The following PTPRD variants were observed in gnomAD, a reference collection of about 807,000 sequenced individuals.
PTPRD encodes protein tyrosine phosphatase receptor type D.
A neutral mutation model predicts 214.5 loss-of-function variants in PTPRD; 34 were observed. That is an observed-to-expected ratio of 0.16 (90% CI 0.12 to 0.21). PTPRD has a LOEUF of 0.21. Ranked by LOEUF, PTPRD falls within the 10% of genes least tolerant of loss-of-function variation. PTPRD has a pLI of 1.00. For synonymous variants in PTPRD, 1,128 were observed against 845.7 expected, an observed-to-expected ratio of 1.33 and a Z score of -5.79; for missense variants, 2,545 against 2,398.7, an observed-to-expected ratio of 1.06 and a Z score of -1.27.
intron 5 of PTPRD, among the ~76,000 whole-genome samples, chr9:9,904,409 A>T (rs1021397741): frequency 2.6e-5 from 4 of 152,102 alleles, no homozygotes; most frequent in African/African-American, 7.2e-5. Context: ...AGTTGTTTTC[A>T]AATTGAAATC....
At chr9:9,014,505 A>C (rs2099526147) in intron 11 of PTPRD, among the ~76,000 whole-genome samples, 1 of 152,198 alleles carries the variant, frequency 6.6e-6, no homozygotes, top group African/African-American at 2.4e-5. Flanking sequence ...AGAGTGAATA[A>C]GATCACAATC....
intron 12 of PTPRD, among the ~76,000 whole-genome samples, chr9:8,699,894 A>C (rs1357954205): frequency 1.3e-5 from 2 of 152,236 alleles, no homozygotes; most frequent in Non-Finnish European, 2.9e-5. Flanking sequence ...GGCAAAAACT[A>C]AACATGGCCA....
chr9:9,970,234 A>T (rs1458734393), intron 4 of PTPRD, among the ~76,000 whole-genome samples: 2 of 152,008 alleles, frequency 1.3e-5, no homozygotes, highest in Non-Finnish European at 2.9e-5. Flanking sequence ...GCGGATCACG[A>T]GGTCAGGAGA....
intron 5 of PTPRD, among the ~76,000 whole-genome samples, chr9:9,917,460 A>AAC (rs1381971557): frequency 1.4e-5 from 2 of 147,980 alleles, no homozygotes; most frequent in Admixed American, 1.3e-4. Flanking sequence ...CCTAAAAAAA[A>AAC]AAAAAAAAAA....
chr9:8,963,399 C>T (rs767876207), intron 11 of PTPRD, among the ~76,000 whole-genome samples: 25 of 152,036 alleles, frequency 1.6e-4, no homozygotes, highest in Non-Finnish European at 2.8e-4. Flanking sequence ...CATGGAATTA[C>T]ATTTATACAT....
At chr9:10,217,659 C>T (rs967682431) in intron 3 of PTPRD, among the ~76,000 whole-genome samples, 1 of 151,804 alleles carries the variant, frequency 6.6e-6, no homozygotes, top group Non-Finnish European at 1.5e-5. Flanking sequence ...TCAACTAAAC[C>T]ATCTAAAGCT....
intron 2 of PTPRD, among the ~76,000 whole-genome samples, chr9:10,587,579 C>T (rs992619272): frequency 6.6e-6 from 1 of 151,906 alleles, no homozygotes; most frequent in Non-Finnish European, 1.5e-5. Context: ...ATACCTGATC[C>T]AGATTATTGC....
chr9:9,144,753 AAAAC>A (rs543141728), intron 10 of PTPRD, among the ~76,000 whole-genome samples: 32 of 152,258 alleles, frequency 2.1e-4, no homozygotes, highest in East Asian at 1.2e-3. Context: ...ACTCTGTCAA[AAAAC>A]AAACAAACAA....
chr9:9,606,321 T>C (rs1243746134), intron 7 of PTPRD, among the ~76,000 whole-genome samples: 3 of 152,146 alleles, frequency 2.0e-5, no homozygotes, highest in Admixed American at 2.0e-4. Flanking sequence ...ATTATCATTT[T>C]CTGGTTCTAT....
intron 9 of PTPRD, among the ~76,000 whole-genome samples, chr9:9,376,963 A>G (rs1419186832): frequency 6.6e-6 from 1 of 152,190 alleles, no homozygotes; most frequent in East Asian, 1.9e-4. Context: ...TCTAGGGAGC[A>G]CTCAATATAA....
chr9:8,684,239 C>T (rs1014674785), intron 12 of PTPRD, among the ~76,000 whole-genome samples: 1 of 152,164 alleles, frequency 6.6e-6, no homozygotes, highest in African/African-American at 2.4e-5. Context: ...TGCCAGCAAA[C>T]CCAATTCTCT....
intron 5 of PTPRD, among the ~76,000 whole-genome samples, chr9:9,855,388 C>G (rs1024844430): frequency 2.6e-4 from 39 of 152,130 alleles, no homozygotes; most frequent in African/African-American, 9.4e-4. Flanking sequence ...TCTAAAATAG[C>G]AGAGGCTCTC....
rs2097181268 is a variant in PTPRD at position 8,492,970 on chromosome 9, T to G, written c.2359A>C (p.Ile787Leu). ...GAAGTTTCAGGCTGGAGCCCAGAAATGATCATGTCCTGAAATGACAAAATA... is the reference window on the plus strand; with the variant it reads ...GAAGTTTCAGGCTGGAGCCCAGAAAGGATCATGTCCTGAAATGACAAAATA... The part of the protein sequence containing the change: ...FDDTTEHDMI[I>L]SGLQPETSYS... Residue 787 changes from isoleucine (I) to leucine (L), a missense_variant, in exon 27 of 46, where the codon ATT becomes CTT. Physicochemically the swap from Ile to Leu is conservative, Grantham distance 5 (BLOSUM62 2). Transcript: ENST00000381196. 6.2e-7 allele frequency: 1 copy of G among 1,612,218 alleles called. No homozygotes were observed. Among genetic ancestry groups the G allele is most frequent in the Non-Finnish European group, 8.5e-7 (1 of 1,178,470 alleles).
chr9:10,336,692 A>G (rs1368144395), intron 3 of PTPRD, among the ~76,000 whole-genome samples: 1 of 151,654 alleles, frequency 6.6e-6, no homozygotes, highest in African/African-American at 2.4e-5. Flanking sequence ...AATAAAAAAA[A>G]TCGAGGAGGG....
intron 26 of PTPRD, among the ~76,000 whole-genome samples, 200 bp downstream of exon 26, chr9:8,497,042 G>T (rs554902164): frequency 6.6e-6 from 1 of 152,190 alleles, no homozygotes; most frequent in East Asian, 1.9e-4. Flanking sequence ...CATTTCTTAC[G>T]CAGTCAATAG....
intron 2 of PTPRD, among the ~76,000 whole-genome samples, chr9:10,349,265 G>A: frequency 1.0e-5 from 1 of 100,356 alleles, no homozygotes; most frequent in Non-Finnish European, 1.8e-5. Flanking sequence ...GTGGGGGGTG[G>A]GGGGCATCCT....
chr9:9,720,937 A>G (rs2154432499), intron 7 of PTPRD, among the ~76,000 whole-genome samples: 1 of 152,234 alleles, frequency 6.6e-6, no homozygotes, highest in Non-Finnish European at 1.5e-5. Context: ...AAATGTTAAG[A>G]ACTCATGGAA....
chr9:9,598,538 G>C (rs1001042564), intron 7 of PTPRD, among the ~76,000 whole-genome samples: 2 of 151,844 alleles, frequency 1.3e-5, no homozygotes, highest in Non-Finnish European at 2.9e-5. Flanking sequence ...AAGTTATACA[G>C]AATACAGTTT....
chr9:8,962,357 A>G (rs1363889398), intron 11 of PTPRD, among the ~76,000 whole-genome samples: 4 of 152,134 alleles, frequency 2.6e-5, no homozygotes, highest in Non-Finnish European at 4.4e-5. Flanking sequence ...CAGAGAGGCT[A>G]ATATGTGCCA....
Sources: allele counts gnomAD v4.1 joint callset (sites outside exome capture counted in the v4.1 genomes callset), GRCh38; gene constraint gnomAD v4.1.1; transcripts MANE v1.5; gene names NCBI Gene and HGNC (gene_info 2026-07-23, HGNC 2026-07-21).